AACS: variants seen among roughly 807,000 people sequenced by gnomAD.
AACS encodes acetoacetyl-CoA synthetase.
Under a neutral mutation model 83.1 loss-of-function variants are expected in AACS, and 69 were observed. That is an observed-to-expected ratio of 0.83 (90% CI 0.68 to 1.01). The LOEUF is 1.01. Among genes scored for constraint, AACS ranks in the 50% least tolerant of loss-of-function variants. The pLI is 0.00. For synonymous variants in AACS, 333 were observed against 343.4 expected (o/e 0.97, Z 0.33); for missense variants, 866 against 882.2 (o/e 0.98, Z 0.23).
At chr12:125,101,263 C>T (rs571043607) in intron 5 of AACS, 2 of 152,312 alleles carry the variant, frequency 1.3e-5, no homozygotes, top group South Asian at 4.2e-4. Flanking sequence ...CAGGGAGTGT[C>T]AGTGAATGTT....
At chr12:125,066,266 C>G (rs1334145445) in intron 1 of AACS, among the ~76,000 whole-genome samples, 1 of 151,912 alleles carries the variant, frequency 6.6e-6, no homozygotes, top group Non-Finnish European at 1.5e-5. Flanking sequence ...CAAACAGAAC[C>G]TAGTAAAAGA....
In AACS at chr12:125,134,046, C is replaced by CG. The variant is rs1326010455; in HGVS notation, c.1598dup (p.Ile534HisfsTer8). ...ACTACTGCAGAATCAACCCCAAGAC[C>CG]GGGGGCATCGTCATGCTTGGCCGGA... On this transcript the variant is annotated frameshift_variant, in exon 15 of 18. Transcript: ENST00000316519. LOFTEE classifies it high-confidence loss of function. The CG allele has an allele frequency of 1.2e-6, 2 of 1,614,106 alleles. No homozygotes were observed. Among genetic ancestry groups the CG allele is most frequent in the Non-Finnish European group, 1.7e-6 (2 of 1,180,016 alleles).
rs71092274 is a variant in AACS, at chr12:125,103,987, CAAAAAAAAAAAAAAAAAA to C, written c.767+921_767+938del. ...TGGGCAAAAAAGCGAAACTCCGTCT[CAAAAAAAAAAAAAAAAAA>C]AAAAAAAAAAAAAAGAATCTTCATT... On this transcript the variant is annotated intron_variant, in intron 7 of 17. Coordinates refer to ENST00000316519, the MANE Select transcript of AACS (RefSeq NM_023928.5). Among the ~76,000 whole-genome samples, 136 of 41,240 alleles carry C rather than the reference CAAAAAAAAAAAAAAAAAA, an allele frequency of 3.3e-3. 2 individuals carry two copies. The highest frequency in any genetic ancestry group is 0.04 in the Middle Eastern group (2 of 50). 27.1% of individuals were successfully genotyped at this position (41,240 alleles called of 152,430 possible).
At chr12:125,136,419 C>G (rs1034063516) in intron 16 of AACS, among the ~76,000 whole-genome samples, 3 of 152,062 alleles carry the variant, frequency 2.0e-5, no homozygotes, top group African/African-American at 7.2e-5. Context: ...GAACATCACC[C>G]ATCCTGCCAA....
Position 125,065,605 on chromosome 12 carries a change from C to A in AACS, c.21C>A (p.Pro7=). 1 of 1,530,220 alleles carries A rather than the reference C, an allele frequency of 6.5e-7. No homozygotes were observed. Among genetic ancestry groups the A allele is most frequent in the Non-Finnish European group, 8.8e-7 (1 of 1,137,940 alleles). 94.8% of individuals were successfully genotyped at this position (1,530,220 alleles called of 1,614,324 possible). The change falls in exon 1 of 18, where the codon CCC becomes CCA. Residue 7 remains proline, a synonymous_variant. Coordinates refer to ENST00000316519, the MANE Select transcript of AACS (RefSeq NM_023928.5). ...CCGCCATGTCCAAGGAGGAGCGCCC[C>A]GGTCGGGAGGAGATCCTGGAGTGCC... MSKEER[P]GREEILECQV...
intron 3 of AACS, among the ~76,000 whole-genome samples, chr12:125,083,739 C>T (rs368919275): frequency 8.6e-5 from 13 of 152,004 alleles, no homozygotes; most frequent in Non-Finnish European, 1.6e-4. Flanking sequence ...CTGCAACCTC[C>T]GTCTCCTGGG....
At chr12:125,090,208 T>TC (rs1565932091) in intron 4 of AACS, among the ~76,000 whole-genome samples, 3 of 26,834 alleles carry the variant, frequency 1.1e-4, no homozygotes, top group South Asian at 2.1e-3. Context: ...ATTTACCCAT[T>TC]ATCCATCTAT....
Position 125,087,186 on chromosome 12 carries a change from G to A in AACS, c.472+743G>A, listed in dbSNP as rs558820056. ...TCCCGCCTTGAGCCATAAAGCAAGG[G>A]AAGTAGGACCTAAGAGCAGGCCCCA... On this transcript the variant is annotated intron_variant, in intron 4 of 17. Transcript: ENST00000316519. Among the ~76,000 whole-genome samples, 3 of 152,302 alleles carry A rather than the reference G, an allele frequency of 2.0e-5. No homozygotes were observed. The South Asian group carries it at 6.2e-4, about 32-fold the overall frequency.
rs1267442520 is a variant in AACS at position 125,143,170 on chromosome 12, CTCTAA to C, written c.*945_*949del. On this transcript the variant is annotated 3_prime_UTR_variant, in exon 18 of 18. Transcript: ENST00000316519. ...TTCAGTTCAGCGTATGAACTTGTAT[CTCTAA>C]TCTGATGTCCATTTTTATATTTTTT... 1 of 152,240 alleles carries C rather than the reference CTCTAA, an allele frequency of 6.6e-6. No homozygotes were observed. Among genetic ancestry groups the C allele is most frequent in the Non-Finnish European group, 1.5e-5 (1 of 68,046 alleles). The allele number at this position is 152,240 out of a possible 1,614,324, so 9.4% of individuals were successfully genotyped here. A position where few individuals can be genotyped will look rare whatever the true frequency, so the allele number is the denominator to read the frequency against.
intron 8 of AACS, among the ~76,000 whole-genome samples, chr12:125,107,707 C>A (rs1956865460): frequency 1.3e-5 from 2 of 152,188 alleles, no homozygotes; most frequent in African/African-American, 4.8e-5. Flanking sequence ...ACACCTATAA[C>A]CCCAGCACTT....
At chr12:125,090,106 A>C (rs1346082389) in intron 4 of AACS, among the ~76,000 whole-genome samples, 1 of 148,128 alleles carries the variant, frequency 6.8e-6, no homozygotes, top group Non-Finnish European at 1.5e-5. Flanking sequence ...TTATCTACCC[A>C]TTGATCCATC....
chr12:125,096,589 A>T (rs1379297042), intron 5 of AACS, among the ~76,000 whole-genome samples: 3 of 152,204 alleles, frequency 2.0e-5, no homozygotes, highest in African/African-American at 7.2e-5. Context: ...TACCTTGTCC[A>T]GGGCCATGTG....
At chr12:125,088,243 T>C (rs1318518068) in intron 4 of AACS, among the ~76,000 whole-genome samples, 1 of 147,212 alleles carries the variant, frequency 6.8e-6, no homozygotes, top group Non-Finnish European at 1.5e-5. Context: ...TTTTTTTTTT[T>C]CTTTTTGAGA....
At position 125,134,055 on chromosome 12, in the gene AACS, C is replaced by T. The variant is rs991163327; in HGVS notation, c.1602C>T (p.Ile534=). Reference sequence around the variant, plus strand: ...GAATCAACCCCAAGACCGGGGGCATCGTCATGCTTGGCCGGAGGTAAGGGC... The same window carrying T: ...GAATCAACCCCAAGACCGGGGGCATTGTCATGCTTGGCCGGAGGTAAGGGC... ...YCRINPKTGG[I]VMLGRSDGTL... is the part of the protein sequence containing the mutation. The change falls in exon 15 of 18, where the codon ATC becomes ATT. Residue 534 remains isoleucine, a synonymous_variant. Transcript: ENST00000316519. 12 of 1,613,962 alleles carry T rather than the reference C, an allele frequency of 7.4e-6. No homozygotes were observed. The Admixed American group carries it at 8.3e-5, about 11-fold the overall frequency.
chr12:125,073,819 A>C, intron 1 of AACS, 57 bp from the exon 2 acceptor site: 4 of 1,427,942 alleles, frequency 2.8e-6, no homozygotes, highest in Non-Finnish European at 3.9e-6. Flanking sequence ...TGTCCATCTT[A>C]TTAATGGATT....
In AACS at chr12:125,103,987, C is replaced by CAAAAAAAAAAAAAAAAAAAAAA. The variant is rs71092274; in HGVS notation, c.767+917_767+938dup. ...TGGGCAAAAAAGCGAAACTCCGTCT[C>CAAAAAAAAAAAAAAAAAAAAAA]AAAAAAAAAAAAAAAAAAAAAAAAA... On this transcript the variant is annotated intron_variant, in intron 7 of 17. Coordinates refer to ENST00000316519, the MANE Select transcript of AACS (RefSeq NM_023928.5). Among the ~76,000 whole-genome samples, 2 of 41,182 alleles carry CAAAAAAAAAAAAAAAAAAAAAA rather than the reference C, an allele frequency of 4.9e-5. 1 individual carries two copies. Among genetic ancestry groups the CAAAAAAAAAAAAAAAAAAAAAA allele is most frequent in the African/African-American group, 1.3e-4 (2 of 14,982 alleles). 27.0% of individuals were successfully genotyped at this position (41,182 alleles called of 152,430 possible).
intron 5 of AACS, chr12:125,101,762 C>CTTTTTTTT (rs11407276): frequency 1.9e-5 from 2 of 104,160 alleles, no homozygotes; most frequent in African/African-American, 3.9e-5. Flanking sequence ...CTTTGATCAA[C>CTTTTTTTT]TTTTTTTTTT....
chr12:125,129,814 G>A lies in AACS; in HGVS notation c.1549+354G>A, dbSNP rs922348382. Among the ~76,000 whole-genome samples, 5 of 152,164 alleles carry A rather than the reference G, an allele frequency of 3.3e-5. No individual in the cohort carries two copies. The highest frequency in any genetic ancestry group is 1.9e-4 in the East Asian group (1 of 5,186). On this transcript the variant is annotated intron_variant, in intron 14 of 17. Coordinates refer to ENST00000316519, the MANE Select transcript of AACS (RefSeq NM_023928.5). This position sits in a 1 kb window ranked among gnomAD's most constrained non-coding sequence, Gnocchi z 4.3. ...AACAGGGTGATGCCTGCCTGTTCAC[G>A]AGGAGTGGCATGTGGAAGTGGCGTC...
intron 5 of AACS, among the ~76,000 whole-genome samples, chr12:125,093,938 G>A (rs1024528396): frequency 1.3e-5 from 2 of 152,220 alleles, no homozygotes; most frequent in African/African-American, 2.4e-5. Context: ...TGCACCCAGC[G>A]TGGGAGGGCC....
Sources: gnomAD v4.1 joint callset for allele counts (sites outside exome capture counted in the v4.1 genomes callset) on GRCh38, gnomAD v4.1.1 for gene constraint, Gnocchi (gnomAD v3.1) non-coding constraint, MANE v1.5 for transcripts, NCBI Gene and HGNC (gene_info 2026-07-23, HGNC 2026-07-21) for gene names.